The following HPF1 variants were observed in gnomAD, a reference collection of about 807,000 sequenced individuals.
The protein encoded by HPF1 is UPF0609 protein C4orf27.
HPF1 carries 35 observed loss-of-function variants against 38.8 expected under a neutral mutation model. That is an observed-to-expected ratio of 0.90 (90% CI 0.69 to 1.19). The LOEUF (loss-of-function observed/expected upper bound fraction) is 1.19. Among genes scored for constraint, HPF1 ranks in the 50% most tolerant of loss-of-function variants. HPF1 has a pLI of 0.00. For synonymous variants in HPF1, 115 were observed against 139.2 expected (o/e 0.83, Z 1.22); for missense variants, 367 against 405.8 (o/e 0.90, Z 0.82).
chr4:169,742,514 A>C (rs1733982613), intron 4 of HPF1, among the ~76,000 whole-genome samples: 1 of 152,196 alleles, frequency 6.6e-6, no homozygotes, highest in Non-Finnish European at 1.5e-5. Context: ...TTTTTCAGGC[A>C]AGGCGCAGTG....
intron 5 of HPF1, among the ~76,000 whole-genome samples, chr4:169,739,829 C>T (rs73864763): frequency 0.025 from 3,783 of 152,150 alleles, 146 homozygotes; most frequent in African/African-American, 0.086. Context: ...ATACCATATT[C>T]ATAAGTGTAA....
Position 169,750,624 on chromosome 4 carries a change from G to A in HPF1, c.310C>T (p.Leu104Phe), listed in dbSNP as rs139715048. Residue 104 changes from leucine (L) to phenylalanine (F), a missense_variant, in exon 3 of 8, where the codon CTT (leucine) becomes TTT (phenylalanine). Physicochemically the swap from Leu to Phe is conservative, Grantham distance 22. Transcript: ENST00000393381. ...KKKSTGLNFN[L>F]HWRFYYDPPE... ...GGATCATAGTAAAACCTCCAGTGAA[G>A]GTTAAAATTCAGGCCTGTTGATTTT... 1.9e-6 allele frequency: 3 copies of A among 1,613,522 alleles called. No individual in the cohort carries two copies. The African/African-American group carries it at 4.0e-5, about 22-fold the overall frequency.
intron 4 of HPF1, among the ~76,000 whole-genome samples, chr4:169,743,817 C>T (rs1734011117): frequency 1.3e-5 from 2 of 151,726 alleles, no homozygotes; most frequent in African/African-American, 2.4e-5. Context: ...TTCCCTGCAA[C>T]ACTGTTAGGG....
intron 1 of HPF1, among the ~76,000 whole-genome samples, chr4:169,756,183 A>G (rs1369915172): frequency 3.3e-5 from 5 of 152,194 alleles, no homozygotes; most frequent in East Asian, 1.9e-4. Flanking sequence ...GGATTAACTC[A>G]TTTAGTCCTC....
At chr4:169,756,362 T>A (rs1356629380) in intron 1 of HPF1, among the ~76,000 whole-genome samples, 1 of 152,244 alleles carries the variant, frequency 6.6e-6, no homozygotes, top group Non-Finnish European at 1.5e-5. Context: ...TTCTCCAACA[T>A]CAAATATAGA....
intron 6 of HPF1, 25 bp downstream of exon 6, chr4:169,737,635 A>G: frequency 7.2e-7 from 1 of 1,382,584 alleles, no homozygotes; most frequent in Non-Finnish European, 1.0e-6. Context: ...ACATATATGC[A>G]CATGTTTACT....
chr4:169,734,718 T>C (rs1733871434), intron 6 of HPF1, among the ~76,000 whole-genome samples: 1 of 152,228 alleles, frequency 6.6e-6, no homozygotes, highest in South Asian at 2.1e-4. Context: ...ATTCTTACTA[T>C]ATCCCTGCCA....
chr4:169,742,585 G>A (rs1264753187), intron 4 of HPF1, among the ~76,000 whole-genome samples: 2 of 152,194 alleles, frequency 1.3e-5, no homozygotes, highest in Non-Finnish European at 2.9e-5. Context: ...GAGGTCAGGA[G>A]ATCAAGACCA....
At position 169,733,894 on chromosome 4, in the gene HPF1, C is replaced by CAA. The variant is rs35974645; in HGVS notation, c.737-2020_737-2019dup. ...TGGGTGACAGAGTAAGACCCTGTCT[C>CAA]AAAAAAAAAAAAAAAAAAATTACCA... On this transcript the variant is annotated intron_variant, in intron 6 of 7. Transcript: ENST00000393381. Among the ~76,000 whole-genome samples, 50 of 122,306 alleles carry CAA rather than the reference C, an allele frequency of 4.1e-4. 1 individual carries two copies. The highest frequency in any genetic ancestry group is 1.3e-3 in the African/African-American group (40 of 31,692). The allele number at this position is 122,306 out of a possible 152,430, so 80.2% of individuals were successfully genotyped here. A position where few individuals can be genotyped will look rare whatever the true frequency, so the allele number is the denominator to read the frequency against.
rs553633718 is a variant in HPF1, at chr4:169,729,571, A to G, written c.*7T>C. 373 of 1,516,576 alleles carry G rather than the reference A, an allele frequency of 2.5e-4. 3 individuals carry two copies. The South Asian group carries it at 4.6e-3, about 19-fold the overall frequency. 93.9% of individuals were successfully genotyped at this position (1,516,576 alleles called of 1,614,324 possible). A position where few individuals can be genotyped will look rare whatever the true frequency, so the allele number is the denominator to read the frequency against. The stretch of plus-strand genomic sequence containing the variant: ...GAAATACTGTACACCAATCAAAGCC[A>G]CCTTACTCATGCAGCAAGTTGGTCT... On this transcript the variant is annotated 3_prime_UTR_variant, in exon 8 of 8. Coordinates refer to ENST00000393381, the MANE Select transcript of HPF1 (RefSeq NM_017867.3).
At chr4:169,730,660 C>T (rs4692742) in intron 7 of HPF1, among the ~76,000 whole-genome samples, 77,271 of 152,090 alleles carry the variant, frequency 0.51, 22,479 homozygotes, top group East Asian at 0.83. Flanking sequence ...TTTGGACAAG[C>T]CTTCCCATTG....
At chr4:169,743,091 C>A (rs1217739305) in intron 4 of HPF1, among the ~76,000 whole-genome samples, 1 of 145,626 alleles carries the variant, frequency 6.9e-6, no homozygotes, top group African/African-American at 2.6e-5. Flanking sequence ...CCTAAGACTG[C>A]CTCAAAAAAA....
intron 7 of HPF1, 152 bp downstream of exon 7, chr4:169,731,552 A>G (rs1733828452): frequency 5.6e-6 from 3 of 539,580 alleles, no homozygotes; most frequent in Non-Finnish European, 9.3e-6. Flanking sequence ...AATCACTTCA[A>G]AAACTTCATT....
intron 3 of HPF1, among the ~76,000 whole-genome samples, chr4:169,749,363 A>G (rs1734088204): frequency 1.3e-5 from 2 of 152,178 alleles, no homozygotes; most frequent in South Asian, 4.1e-4. Flanking sequence ...GCTCAAAATT[A>G]TCCAAATTAT....
At chr4:169,743,590 A>T (rs1734008275) in intron 4 of HPF1, among the ~76,000 whole-genome samples, 1 of 151,968 alleles carries the variant, frequency 6.6e-6, no homozygotes, top group African/African-American at 2.4e-5. Context: ...GTAGTTCTCA[A>T]AAGTATGTGA....
At chr4:169,741,775 C>A (rs766618020) in intron 5 of HPF1, among the ~76,000 whole-genome samples, 182 bp downstream of exon 5, 5 of 152,152 alleles carry the variant, frequency 3.3e-5, no homozygotes, top group Non-Finnish European at 7.3e-5. Flanking sequence ...CCCAAAGGAG[C>A]CATCTGACCC....
intron 4 of HPF1, among the ~76,000 whole-genome samples, chr4:169,745,489 G>C (rs1734035838): frequency 6.6e-6 from 1 of 152,184 alleles, no homozygotes; most frequent in Non-Finnish European, 1.5e-5. Flanking sequence ...CAGTCAATGA[G>C]TCACTCTTTC....
intron 6 of HPF1, among the ~76,000 whole-genome samples, chr4:169,737,285 G>A (rs759429459): frequency 1.2e-3 from 82 of 67,048 alleles, no homozygotes; most frequent in Middle Eastern, 0.016. Flanking sequence ...GCAACACTCC[G>A]TCTCAAAAAA....
chr4:169,754,087 A>C (rs1170338400), intron 1 of HPF1, among the ~76,000 whole-genome samples: 1 of 152,230 alleles, frequency 6.6e-6, no homozygotes, highest in Non-Finnish European at 1.5e-5. Flanking sequence ...ACCACAAAAA[A>C]CAAAAAGGTA....
Sources: gnomAD v4.1 joint callset for allele counts (sites outside exome capture counted in the v4.1 genomes callset) on GRCh38, gnomAD v4.1.1 for gene constraint, MANE v1.5 for transcripts, NCBI Gene and HGNC (gene_info 2026-07-23, HGNC 2026-07-21) for gene names.